APOLD1: variants seen among roughly 807,000 people sequenced by gnomAD.
APOLD1 encodes apolipoprotein L domain-containing protein 1.
A neutral mutation model predicts 15.3 loss-of-function variants in APOLD1; 22 were observed. That is an observed-to-expected ratio of 1.44 (90% CI 1.03 to 2.05). The LOEUF is 2.05. Ranked by LOEUF, APOLD1 falls within the 30% of genes most tolerant of loss-of-function variation. The probability of loss-of-function intolerance (pLI) is 0.00; values close to 1 mark genes in which losing one functional copy is unlikely to be tolerated. For synonymous variants in APOLD1, 190 were observed against 167.4 expected (o/e 1.13, Z -1.04); for missense variants, 394 against 353.5 (o/e 1.11, Z -0.92).
At chr12:12,761,828 T>TAGAGAGAGAGAGAG (rs1335110034) in intron 1 of APOLD1, among the ~76,000 whole-genome samples, 33 of 20,642 alleles carry the variant, frequency 1.6e-3, no homozygotes, top group South Asian at 1.0e-3. Context: ...TATGTATATG[T>TAGAGAGAGAGAGAG]ATAGAGAGAG....
At chr12:12,767,491 T>C (rs1307740210) in intron 1 of APOLD1, among the ~76,000 whole-genome samples, 3 of 152,062 alleles carry the variant, frequency 2.0e-5, no homozygotes, top group African/African-American at 7.2e-5. Flanking sequence ...GCAAAACCCA[T>C]CTCTACTAAA....
At chr12:12,729,267 A>C (rs1946618326) in intron 1 of APOLD1, among the ~76,000 whole-genome samples, 2 of 152,252 alleles carry the variant, frequency 1.3e-5, no homozygotes, top group South Asian at 4.2e-4. Context: ...CTTATCTCAC[A>C]CATCAGGATA....
intron 1 of APOLD1, among the ~76,000 whole-genome samples, chr12:12,754,406 A>G (rs925610753): frequency 6.6e-6 from 1 of 151,818 alleles, no homozygotes; most frequent in African/African-American, 2.4e-5. Context: ...CCAATCAAAT[A>G]TAATAAAAAG....
intron 1 of APOLD1, among the ~76,000 whole-genome samples, chr12:12,765,829 C>A (rs1437796062): frequency 6.6e-6 from 1 of 152,154 alleles, no homozygotes; most frequent in Admixed American, 6.5e-5. Context: ...ACGAGTGCAC[C>A]ACTGTCGTCC....
chr12:12,772,186 T>C (rs1313428914), intron 1 of APOLD1, among the ~76,000 whole-genome samples: 10 of 152,252 alleles, frequency 6.6e-5, no homozygotes, highest in African/African-American at 2.2e-4. Context: ...AATTCACCAG[T>C]TAAAAGAAAG....
chr12:12,727,147 A>T (rs1423064809), intron 1 of APOLD1, among the ~76,000 whole-genome samples: 1 of 152,204 alleles, frequency 6.6e-6, no homozygotes, highest in African/African-American at 2.4e-5. Flanking sequence ...CTTGCTCATT[A>T]GCATCTTGTA....
chr12:12,774,509 G>A (rs1947013409), intron 1 of APOLD1, among the ~76,000 whole-genome samples: 1 of 123,838 alleles, frequency 8.1e-6, no homozygotes, highest in African/African-American at 3.1e-5. Flanking sequence ...TCACACTGCT[G>A]CACTCTGGCC....
At chr12:12,777,878 C>T (rs1361628993) in intron 1 of APOLD1, among the ~76,000 whole-genome samples, 7 of 136,046 alleles carry the variant, frequency 5.1e-5, no homozygotes, top group African/African-American at 2.0e-4. Flanking sequence ...ATCTTCTCTA[C>T]AAGGAAAGGT....
At chr12:12,733,104 A>G (rs1382361874) in intron 1 of APOLD1, among the ~76,000 whole-genome samples, 2 of 151,912 alleles carry the variant, frequency 1.3e-5, no homozygotes, top group Admixed American at 6.6e-5. Flanking sequence ...GATAAAGCCC[A>G]GGAGTTTGAG....
chr12:12,781,673 G>A (rs1031302208), upstream of APOLD1, among the ~76,000 whole-genome samples: 7 of 151,146 alleles, frequency 4.6e-5, no homozygotes, highest in Non-Finnish European at 8.8e-5. Context: ...GACTACAGGC[G>A]CCTGCCACCA....
At chr12:12,731,866 G>A (rs1014892270) in intron 1 of APOLD1, among the ~76,000 whole-genome samples, 1 of 152,136 alleles carries the variant, frequency 6.6e-6, no homozygotes, top group Non-Finnish European at 1.5e-5. Context: ...GTTTGCATGC[G>A]TGGAAGCCAC....
chr12:12,749,680 G>A (rs1946792848), intron 1 of APOLD1, among the ~76,000 whole-genome samples: 1 of 152,146 alleles, frequency 6.6e-6, no homozygotes, highest in South Asian at 2.1e-4. Flanking sequence ...TTATTTACAT[G>A]AGGTGACCAC....
At chr12:12,729,967 C>T (rs1246874589) in intron 1 of APOLD1, among the ~76,000 whole-genome samples, 1 of 151,694 alleles carries the variant, frequency 6.6e-6, no homozygotes, top group Non-Finnish European at 1.5e-5. Flanking sequence ...AGTGATCCCC[C>T]TGCCTTAGCC....
At chr12:12,733,974 T>C (rs993757282) in intron 1 of APOLD1, among the ~76,000 whole-genome samples, 1 of 152,238 alleles carries the variant, frequency 6.6e-6, no homozygotes, top group African/African-American at 2.4e-5. Flanking sequence ...ATGTCTCACA[T>C]ACGGTCTCAT....
intron 1 of APOLD1, among the ~76,000 whole-genome samples, chr12:12,761,660 A>G (rs1324741817): frequency 6.6e-6 from 1 of 152,114 alleles, no homozygotes; most frequent in Non-Finnish European, 1.5e-5. Context: ...CTATCAACAA[A>G]GGAATGAATT....
Position 12,787,021 on chromosome 12 carries a change from G to C in APOLD1, c.116G>C (p.Arg39Pro). 7.2e-7 allele frequency: 1 copy of C among 1,384,880 alleles called. No homozygotes were observed. Among genetic ancestry groups the C allele is most frequent in the Non-Finnish European group, 9.3e-7 (1 of 1,080,836 alleles). 85.8% of individuals were successfully genotyped at this position (1,384,880 alleles called of 1,614,324 possible). The change falls in exon 2 of 2, where the codon CGC becomes CCC. Residue 39 changes from arginine (R) to proline (P), a missense_variant. Physicochemically the swap from Arg to Pro is moderately radical, Grantham distance 103. Coordinates refer to ENST00000356591, the MANE Select transcript of APOLD1 (RefSeq NM_030817.3). The surrounding 1 kb of genome is among the most constrained non-coding windows in gnomAD (Gnocchi z 4.9). ...CTGCACGGCCAGGTGCTGCGCCTGCGCGAGGTGGCCCGGCGCCTGGAGCGC... is the reference window on the plus strand; with the variant it reads ...CTGCACGGCCAGGTGCTGCGCCTGCCCGAGGTGGCCCGGCGCCTGGAGCGC... Reference protein sequence around the residue: ...GRLHGQVLRLREVARRLERLR... With the variant: ...GRLHGQVLRLPEVARRLERLR...
chr12:12,748,472 TA>T (rs750804289), intron 1 of APOLD1, among the ~76,000 whole-genome samples: 3 of 152,214 alleles, frequency 2.0e-5, no homozygotes, highest in African/African-American at 4.8e-5. Context: ...TATCAAACAA[TA>T]TTTTTTTGTG....
At chr12:12,763,988 A>G (rs751617019) in intron 1 of APOLD1, among the ~76,000 whole-genome samples, 9 of 152,012 alleles carry the variant, frequency 5.9e-5, no homozygotes, top group Non-Finnish European at 1.3e-4. Context: ...ATTGAGATGG[A>G]GTTTCACTCT....
intron 1 of APOLD1, among the ~76,000 whole-genome samples, chr12:12,740,022 C>T (rs1946719812): frequency 6.6e-6 from 1 of 150,902 alleles, no homozygotes; most frequent in Non-Finnish European, 1.5e-5. Context: ...CACTCTGTTG[C>T]CCAGGCCAGA....
Sources: allele counts gnomAD v4.1 joint callset (sites outside exome capture counted in the v4.1 genomes callset), GRCh38; gene constraint gnomAD v4.1.1; non-coding constraint Gnocchi (gnomAD v3.1); transcripts MANE v1.5; gene names NCBI Gene and HGNC (gene_info 2026-07-23, HGNC 2026-07-21).